The following CSMD1 variants were observed in gnomAD, a reference collection of about 807,000 sequenced individuals.
CSMD1 encodes the protein CUB and sushi domain-containing protein 1.
In CSMD1, 213 loss-of-function variants were observed where a neutral mutation model predicts 417.5. That is an observed-to-expected ratio of 0.51 (90% CI 0.46 to 0.57). The LOEUF is 0.57. CSMD1 is among the 20% of genes least tolerant of loss of function. The pLI is 0.00. For synonymous variants in CSMD1, 2,862 were observed against 1,736.8 expected, an observed-to-expected ratio of 1.65 and a Z score of -16.11; for missense variants, 6,923 against 4,529.7, an observed-to-expected ratio of 1.53 and a Z score of -15.17.
rs931212477 is a variant in CSMD1, at chr8:3,157,885, G to A, written c.5914+12C>T. On this transcript the variant is annotated intron_variant, in intron 39 of 69. Transcript: ENST00000635120. ...GTGCGCAGCAGCAGAGTTACAGAAG[G>A]TGCATCCTTACCAATGCACAGGGGA... 6.5e-7 allele frequency: 1 copy of A among 1,550,030 alleles called. No homozygotes were observed. The highest frequency in any genetic ancestry group is 8.7e-7 in the Non-Finnish European group (1 of 1,145,134).
intron 26 of CSMD1, among the ~76,000 whole-genome samples, chr8:3,239,914 G>T (rs1474766547): frequency 6.6e-6 from 1 of 151,958 alleles, no homozygotes; most frequent in Non-Finnish European, 1.5e-5. Flanking sequence ...AGGAACAATG[G>T]TAATTGTGGG....
intron 3 of CSMD1, among the ~76,000 whole-genome samples, chr8:4,273,236 C>T (rs1384354810): frequency 1.3e-5 from 2 of 152,010 alleles, no homozygotes; most frequent in Admixed American, 6.6e-5. Flanking sequence ...TAAAATATAA[C>T]TTATAAAAAG....
At chr8:3,570,193 A>G (rs1038031070) in intron 10 of CSMD1, among the ~76,000 whole-genome samples, 2 of 152,238 alleles carry the variant, frequency 1.3e-5, no homozygotes, top group African/African-American at 4.8e-5. Flanking sequence ...CCATAAAACT[A>G]AAGTAAAAGG....
intron 4 of CSMD1, among the ~76,000 whole-genome samples, chr8:4,020,006 C>T (rs747769032): frequency 3.3e-5 from 5 of 151,682 alleles, no homozygotes; most frequent in African/African-American, 9.7e-5. Context: ...TTTGCCATTC[C>T]GCTCTGGGCA....
intron 10 of CSMD1, among the ~76,000 whole-genome samples, chr8:3,565,856 G>C (rs1185830718): frequency 6.6e-6 from 1 of 151,574 alleles, no homozygotes; most frequent in Non-Finnish European, 1.5e-5. Context: ...CAAGCATCTT[G>C]ATTTAGGTTC....
At chr8:3,999,176 T>G (rs1019040188) in intron 4 of CSMD1, among the ~76,000 whole-genome samples, 2 of 152,014 alleles carry the variant, frequency 1.3e-5, no homozygotes, top group Non-Finnish European at 2.9e-5. Flanking sequence ...TTTCTTTCTT[T>G]CCTCAAATAC....
intron 5 of CSMD1, among the ~76,000 whole-genome samples, chr8:3,948,023 T>C (rs1811354323): frequency 6.6e-6 from 1 of 152,162 alleles, no homozygotes; most frequent in Non-Finnish European, 1.5e-5. Flanking sequence ...CTGGCCAACA[T>C]GGTAAAACCC....
intron 3 of CSMD1, among the ~76,000 whole-genome samples, chr8:4,389,520 G>T (rs1011145355): frequency 6.6e-6 from 1 of 152,046 alleles, no homozygotes; most frequent in African/African-American, 2.4e-5. Context: ...TAATATATCA[G>T]TCATATACTC....
intron 18 of CSMD1, among the ~76,000 whole-genome samples, chr8:3,369,761 T>C (rs1480948617): frequency 6.6e-6 from 1 of 152,142 alleles, no homozygotes; most frequent in African/African-American, 2.4e-5. Context: ...CAGACACTCA[T>C]TTTGGAAAAA....
chr8:4,943,514 A>G (rs766332194), intron 1 of CSMD1, among the ~76,000 whole-genome samples: 1 of 4,292 alleles, frequency 2.3e-4, no homozygotes, highest in African/African-American at 3.2e-4. Context: ...AAAATGAAAT[A>G]AAATAAAATA....
Position 4,145,687 on chromosome 8 carries a change from C to T in CSMD1, c.416-113588G>A, listed in dbSNP as rs1322716620. ...TACAGCCTCACAACACCACACCTGG[C>T]CACATTCCGCATTTCTTAATGAAGA... On this transcript the variant is annotated intron_variant, in intron 3 of 69. Coordinates refer to ENST00000635120, the MANE Select transcript of CSMD1 (RefSeq NM_033225.6). Among the ~76,000 whole-genome samples, 3 of 150,956 alleles carry T rather than the reference C, an allele frequency of 2.0e-5. 1 individual carries two copies. The highest frequency in any genetic ancestry group is 5.0e-5 in the African/African-American group (2 of 40,312).
chr8:3,732,254 C>A (rs1026849), intron 6 of CSMD1, among the ~76,000 whole-genome samples: 39,343 of 152,146 alleles, frequency 0.26, 5,759 homozygotes, highest in South Asian at 0.37. Context: ...AGGGCAATTA[C>A]TCGATACAAA....
intron 2 of CSMD1, among the ~76,000 whole-genome samples, chr8:4,447,822 G>C (rs762972850): frequency 6.6e-6 from 1 of 152,164 alleles, no homozygotes; most frequent in East Asian, 1.9e-4. Flanking sequence ...AAGTCACAAC[G>C]TTTCAAAGAT....
intron 7 of CSMD1, among the ~76,000 whole-genome samples, chr8:3,624,522 A>G (rs1356012142): frequency 6.6e-6 from 1 of 152,242 alleles, no homozygotes; most frequent in African/African-American, 2.4e-5. Context: ...GTTTCTTCAA[A>G]GATGTACAGA....
At chr8:3,260,332 A>T (rs1800962647) in intron 26 of CSMD1, among the ~76,000 whole-genome samples, 1 of 152,122 alleles carries the variant, frequency 6.6e-6, no homozygotes, top group South Asian at 2.1e-4. Context: ...TTGCAGGATC[A>T]ATGGGAACCA....
intron 3 of CSMD1, among the ~76,000 whole-genome samples, chr8:4,163,750 G>T (rs2131105781): frequency 6.6e-6 from 1 of 152,192 alleles, no homozygotes; most frequent in East Asian, 1.9e-4. Context: ...CACTAATACT[G>T]CTAAGCTTAC....
At chr8:3,448,187 C>T (rs1815423925) in intron 12 of CSMD1, among the ~76,000 whole-genome samples, 1 of 149,768 alleles carries the variant, frequency 6.7e-6, no homozygotes, top group South Asian at 2.1e-4. Context: ...GAAGACAGAA[C>T]AAATAAAAAG....
intron 6 of CSMD1, among the ~76,000 whole-genome samples, chr8:3,712,450 G>A (rs11995893): frequency 2.2e-4 from 33 of 151,400 alleles, no homozygotes; most frequent in Non-Finnish European, 7.4e-5. Flanking sequence ...GACAGAGAGA[G>A]AGAGAAACTA....
chr8:4,580,160 G>A (rs574993288), intron 2 of CSMD1, among the ~76,000 whole-genome samples: 1 of 152,292 alleles, frequency 6.6e-6, no homozygotes, highest in African/African-American at 2.4e-5. Context: ...ACCAGGCACT[G>A]CTTTCAACTG....
Sources: gnomAD v4.1 joint callset for allele counts (sites outside exome capture counted in the v4.1 genomes callset) on GRCh38, gnomAD v4.1.1 for gene constraint, MANE v1.5 for transcripts, NCBI Gene and HGNC (gene_info 2026-07-23, HGNC 2026-07-21) for gene names.